Variants in TTLL7 observed in about 807,000 individuals in gnomAD.
The protein encoded by TTLL7 is tubulin tyrosine ligase like 7, also known as tubulin polyglutamylase TTLL7.
TTLL7 carries 53 observed loss-of-function variants against 120.2 expected under a neutral mutation model. The ratio of observed to expected loss-of-function variants is 0.44; its 90% CI spans 0.35 to 0.55. The LOEUF is 0.55. Among genes scored for constraint, TTLL7 ranks in the 20% least tolerant of loss-of-function variants. TTLL7 has a pLI of 0.00. For missense variants in TTLL7, 803 were observed against 1,054.7 expected (o/e 0.76, Z 3.31); for synonymous variants, 353 against 351.7 (o/e 1.00, Z -0.04).
chr1:83,892,705 A>AAC (rs1557567674), intron 18 of TTLL7, among the ~76,000 whole-genome samples: 30 of 141,750 alleles, frequency 2.1e-4, no homozygotes, highest in South Asian at 4.4e-4. Context: ...CATATATATG[A>AAC]ACATATGAAC....
intron 1 of TTLL7, among the ~76,000 whole-genome samples, chr1:83,956,803 A>C (rs1024486294): frequency 1.3e-5 from 2 of 152,224 alleles, no homozygotes; most frequent in African/African-American, 4.8e-5. Flanking sequence ...TGAGCAAACC[A>C]ACAGAGGAAT....
chr1:83,941,871 A>G (rs1648007277), intron 7 of TTLL7, among the ~76,000 whole-genome samples: 8 of 152,340 alleles, frequency 5.3e-5, no homozygotes, highest in South Asian at 4.1e-4. Flanking sequence ...TAGGCTTTAA[A>G]ATGCACACTG....
At chr1:83,892,417 CATATATATGA>C (rs1655646872) in intron 18 of TTLL7, among the ~76,000 whole-genome samples, 1 of 62,658 alleles carries the variant, frequency 1.6e-5, no homozygotes, top group Non-Finnish European at 3.2e-5. Context: ...TATATATGAA[CATATATATGA>C]ACATATATAT....
intron 12 of TTLL7, among the ~76,000 whole-genome samples, chr1:83,920,151 CTATTCATTA>C (rs1363158316): frequency 6.6e-6 from 1 of 152,032 alleles, no homozygotes; most frequent in Non-Finnish European, 1.5e-5. Context: ...GGTTTTCAGT[CTATTCATTA>C]ATAGTGGCAC....
intron 17 of TTLL7, among the ~76,000 whole-genome samples, chr1:83,905,172 A>G (rs1657078361): frequency 6.6e-6 from 1 of 152,012 alleles, no homozygotes; most frequent in East Asian, 1.9e-4. Context: ...ATAAAAGCAC[A>G]TCTAGTATAA....
chr1:83,928,305 TA>T (rs1659308101), intron 10 of TTLL7, among the ~76,000 whole-genome samples: 1 of 152,174 alleles, frequency 6.6e-6, no homozygotes, highest in African/African-American at 2.4e-5. Flanking sequence ...GAATGACAAT[TA>T]AATAAATTGA....
chr1:83,885,559 C>G (rs1162403488), intron 19 of TTLL7, among the ~76,000 whole-genome samples: 1 of 151,916 alleles, frequency 6.6e-6, no homozygotes, highest in African/African-American at 2.4e-5. Flanking sequence ...ATATTTAGTT[C>G]TGGTGTGTAT....
rs749102067 is a variant in TTLL7, at chr1:83,937,966, C to T, written c.774G>A (p.Glu258=). Residue 258 remains glutamate, a synonymous_variant, in exon 8 of 21, where the codon GAG becomes GAA. Transcript: ENST00000260505. ...TCTCAGTTTCATCCCGTTCAAAATG[C>T]TCATTATGCTTGTTCACGGAGTAGT... ...LTNYSVNKHN[E]HFERDETENK... 1.9e-6 allele frequency: 3 copies of T among 1,613,894 alleles called. No homozygotes were observed. Among genetic ancestry groups the T allele is most frequent in the East Asian group, 4.5e-5 (2 of 44,878 alleles).
At chr1:83,994,324 T>C (rs1293488017) in intron 1 of TTLL7, among the ~76,000 whole-genome samples, 1 of 152,146 alleles carries the variant, frequency 6.6e-6, no homozygotes, top group Non-Finnish European at 1.5e-5. Flanking sequence ...CATAGACACT[T>C]AATGGCCTGC....
chr1:83,937,796 G>C, intron 8 of TTLL7, 56 bp downstream of exon 8: 1 of 1,590,564 alleles, frequency 6.3e-7, no homozygotes, highest in Middle Eastern at 1.7e-4. Context: ...GCCTGACAAT[G>C]CTTCAAATTA....
intron 3 of TTLL7, among the ~76,000 whole-genome samples, chr1:83,951,416 A>AG (rs1332478322): frequency 6.6e-6 from 1 of 152,126 alleles, no homozygotes; most frequent in Non-Finnish European, 1.5e-5. Context: ...CAAACCCATG[A>AG]GGCTAGGAAC....
intron 1 of TTLL7, among the ~76,000 whole-genome samples, chr1:83,978,137 T>C (rs1651656536): frequency 6.6e-6 from 1 of 152,204 alleles, no homozygotes; most frequent in African/African-American, 2.4e-5. Context: ...AATGTAAAGC[T>C]AAACATCATA....
At chr1:83,883,253 C>A in intron 19 of TTLL7, 117 bp from the exon 20 acceptor site, 1 of 722,012 alleles carries the variant, frequency 1.4e-6, no homozygotes, top group Non-Finnish European at 2.2e-6. Context: ...CATACATTTG[C>A]AATAACTATG....
Position 83,952,190 on chromosome 1 carries a change from C to T in TTLL7, c.22G>A (p.Gly8Arg). Reference protein sequence around the residue: MPSLPQEGVIQGPSPLDL... With the variant: MPSLPQERVIQGPSPLDL... ...ATAGTTAAGTCAATTTCCCTACCTCCTTCTTGAGGCAGAGATGGCATTATT... is the reference window on the plus strand; with the variant it reads ...ATAGTTAAGTCAATTTCCCTACCTCTTTCTTGAGGCAGAGATGGCATTATT... Residue 8 changes from glycine (G) to arginine (R), a missense_variant, in exon 2 of 21, where the codon GGA becomes AGA. By Grantham distance (125) the Gly-to-Arg change is moderately radical. This residue lies in a region of TTLL7 where 91 missense variants were observed against 96.6 expected (regional missense o/e 0.94). Coordinates refer to ENST00000260505, the MANE Select transcript of TTLL7 (RefSeq NM_024686.6). The T allele has an allele frequency of 6.2e-7, 1 of 1,613,852 alleles. No individual in the cohort carries two copies. The highest frequency in any genetic ancestry group is 1.1e-5 in the South Asian group (1 of 91,058).
rs1329634322 is a variant in TTLL7 at position 83,866,962 on chromosome 1, A to G, written c.*3000T>C. On this transcript the variant is annotated 3_prime_UTR_variant, in exon 21 of 21. Coordinates refer to ENST00000260505, the MANE Select transcript of TTLL7 (RefSeq NM_024686.6). ...TTATTCAAATATTGCATAGTTCTAG[A>G]AAGCATTCCAATCTTAGATTTACTG... 6.6e-6 allele frequency: 1 copy of G among 151,702 alleles called. No homozygotes were observed. The highest frequency in any genetic ancestry group is 6.6e-5 in the Admixed American group (1 of 15,230). 9.4% of individuals were successfully genotyped at this position (151,702 alleles called of 1,614,324 possible).
chr1:83,921,155 C>T lies in TTLL7; in HGVS notation c.1296G>A (p.Glu432=), dbSNP rs879175951. ...QLERRKEELK[E]RLAQVRKQIS... is the part of the protein sequence containing the mutation. ...TCTGCTTTCGTACTTGAGCGAGTCT[C>T]TCTTTCTGGAAATGAGAAAAATTTT... Residue 432 remains glutamate, a synonymous_variant, in exon 12 of 21, where the codon GAG becomes GAA. Coordinates refer to ENST00000260505, the MANE Select transcript of TTLL7 (RefSeq NM_024686.6). The T allele has an allele frequency of 1.2e-6, 2 of 1,611,954 alleles. No individual in the cohort carries two copies. Among genetic ancestry groups the T allele is most frequent in the South Asian group, 2.2e-5 (2 of 90,458 alleles).
At chr1:83,997,768 G>C (rs980549713) in intron 1 of TTLL7, among the ~76,000 whole-genome samples, 1 of 152,084 alleles carries the variant, frequency 6.6e-6, no homozygotes, top group African/African-American at 2.4e-5. Context: ...TAACATTTAA[G>C]ACAGAAAAAG....
intron 18 of TTLL7, among the ~76,000 whole-genome samples, chr1:83,894,599 T>C (rs984793762): frequency 2.0e-5 from 3 of 152,118 alleles, no homozygotes; most frequent in Non-Finnish European, 4.4e-5. Context: ...TTCTAGCCCA[T>C]ACATGACTAA....
intron 6 of TTLL7, among the ~76,000 whole-genome samples, chr1:83,944,771 C>T (rs958898255): frequency 2.0e-5 from 3 of 152,092 alleles, no homozygotes; most frequent in South Asian, 2.1e-4. Context: ...CTCATTTTTC[C>T]TAATGAATTA....
Sources: allele counts gnomAD v4.1 joint callset (sites outside exome capture counted in the v4.1 genomes callset), GRCh38; gene constraint gnomAD v4.1.1; regional missense constraint gnomAD v4.1.1; transcripts MANE v1.5; gene names NCBI Gene and HGNC (gene_info 2026-07-23, HGNC 2026-07-21).